TPR: variants seen among roughly 807,000 people sequenced by gnomAD.
TPR encodes nucleoprotein TPR.
Under a neutral mutation model 316.1 loss-of-function variants are expected in TPR, and 51 were observed. That is an observed-to-expected ratio of 0.16 (90% confidence interval 0.13 to 0.20). TPR has a LOEUF of 0.20. Ranked by LOEUF, TPR falls within the 10% of genes least tolerant of loss-of-function variation. The probability of loss-of-function intolerance (pLI) is 1.00; values close to 1 mark genes in which losing one functional copy is unlikely to be tolerated. For synonymous variants in TPR, 981 were observed against 914.7 expected (o/e 1.07, Z -1.31); for missense variants, 2,272 against 2,754.8 (o/e 0.82, Z 3.92).
chr1:186,314,741 G>T lies in TPR; in HGVS notation c.6941-17C>A. On this transcript the variant is annotated splice_polypyrimidine_tract_variant and intron_variant, in intron 49 of 50. Coordinates refer to ENST00000367478, the MANE Select transcript of TPR (RefSeq NM_003292.3). ...TACTAGTATCTAAGAAAAACATTAA[G>T]ATAAAAGAAAAGCAAGTGAAAAAAT... 6.4e-7 allele frequency: 1 copy of T among 1,557,892 alleles called. No individual in the cohort carries two copies. Among genetic ancestry groups the T allele is most frequent in the South Asian group, 1.2e-5 (1 of 84,976 alleles).
Position 186,369,272 on chromosome 1 carries a change from T to C in TPR, c.331-1290A>G, listed in dbSNP as rs1164545590. ...GATTCCATCAGAATTTCAGAATTTT[T>C]TTTTTCTATTTCTGCGAAGAATGCC... is the stretch of plus-strand genomic sequence containing the variant. On this transcript the variant is annotated intron_variant, in intron 3 of 50. Coordinates refer to ENST00000367478, the MANE Select transcript of TPR (RefSeq NM_003292.3). 2.0e-5 allele frequency among the ~76,000 whole-genome samples: 3 copies of C among 152,214 alleles called. No homozygotes were observed. In the East Asian group the frequency reaches 5.8e-4, roughly 29 times the overall value.
chr1:186,332,402 T>C lies in TPR; in HGVS notation c.5456-59A>G, dbSNP rs190279175. On this transcript the variant is annotated intron_variant, in intron 37 of 50. Transcript: ENST00000367478. Reference sequence around the variant, plus strand: ...GATAATAACTCAATTTAGATAAAGATAGTTTACCCAATATGGTCACTTAAC... The same window carrying C: ...GATAATAACTCAATTTAGATAAAGACAGTTTACCCAATATGGTCACTTAAC... 5.3e-5 allele frequency: 84 copies of C among 1,573,410 alleles called. 1 individual carries two copies. The highest frequency in any genetic ancestry group is 2.7e-4 in the East Asian group (12 of 44,172).
chr1:186,359,498 G>C (rs980279131), intron 12 of TPR, among the ~76,000 whole-genome samples: 2 of 151,934 alleles, frequency 1.3e-5, no homozygotes, highest in South Asian at 4.1e-4. Context: ...TTAATTTGAA[G>C]AGCAGTTTTA....
At chr1:186,361,414 CCTG>C (rs1011211748) in intron 9 of TPR, among the ~76,000 whole-genome samples, 5 of 151,704 alleles carry the variant, frequency 3.3e-5, no homozygotes, top group African/African-American at 7.3e-5. Context: ...AACAAAACCC[CCTG>C]CTGTCTGTAT....
chr1:186,323,667 T>A lies in TPR; in HGVS notation c.6297+19A>T. 1 of 1,424,962 alleles carries A rather than the reference T, an allele frequency of 7.0e-7. No homozygotes were observed. Among genetic ancestry groups the A allele is most frequent in the Non-Finnish European group, 9.2e-7 (1 of 1,087,088 alleles). 88.3% of individuals were successfully genotyped at this position (1,424,962 alleles called of 1,614,324 possible). A position where few individuals can be genotyped will look rare whatever the true frequency, so the allele number is the denominator to read the frequency against. On this transcript the variant is annotated intron_variant, in intron 43 of 50. Transcript: ENST00000367478. ...TTTTTTTCAAGTTCATTTTTCATAA[T>A]GACCAGTACTTTTAATACCTGAACT...
At chr1:186,345,757 T>C (rs1389354407) in intron 23 of TPR, 61 bp from the exon 24 acceptor site, 2 of 1,164,704 alleles carry the variant, frequency 1.7e-6, no homozygotes, top group East Asian at 2.4e-5. Context: ...GAAAATACTG[T>C]ATTGTAGTGT....
intron 13 of TPR, among the ~76,000 whole-genome samples, chr1:186,357,997 T>C (rs974107385): frequency 6.6e-5 from 10 of 152,176 alleles, no homozygotes; most frequent in Admixed American, 2.0e-4. Flanking sequence ...AAAAAGCATA[T>C]ATATAATGCC....
At chr1:186,339,982 A>G (rs1658464706) in intron 29 of TPR, among the ~76,000 whole-genome samples, 1 of 152,194 alleles carries the variant, frequency 6.6e-6, no homozygotes, top group African/African-American at 2.4e-5. Flanking sequence ...AAAAAATAAA[A>G]TGTCATTAAA....
At chr1:186,360,163 CTAATTA>C in intron 11 of TPR, 104 bp downstream of exon 11, 1 of 1,362,002 alleles carries the variant, frequency 7.3e-7, no homozygotes, top group East Asian at 2.4e-5. Flanking sequence ...GAATGATCCA[CTAATTA>C]TAAGATGATT....
chr1:186,347,964 G>C (rs983522614), intron 21 of TPR, among the ~76,000 whole-genome samples: 1 of 152,214 alleles, frequency 6.6e-6, no homozygotes, highest in East Asian at 1.9e-4. Flanking sequence ...GTCACCTCAA[G>C]ACCACTGTGA....
chr1:186,345,994 G>A, intron 23 of TPR, 141 bp downstream of exon 23: 1 of 861,502 alleles, frequency 1.2e-6, no homozygotes, highest in Non-Finnish European at 1.7e-6. Context: ...GTACAGAAAA[G>A]AGTAAAACAT....
chr1:186,327,051 AAC>A lies in TPR; in HGVS notation c.5889+407_5889+408del, dbSNP rs1445207276. On this transcript the variant is annotated intron_variant, in intron 40 of 50. Coordinates refer to ENST00000367478, the MANE Select transcript of TPR (RefSeq NM_003292.3). ...TATATATAAATATATATAAATATAT[AAC>A]ATATATATTATATATAAATATATAT... 4.0e-3 allele frequency among the ~76,000 whole-genome samples: 83 copies of A among 20,652 alleles called. 10 individuals are homozygous for A. The highest frequency in any genetic ancestry group is 5.4e-3 in the Non-Finnish European group (62 of 11,508). The allele number at this position is 20,652 out of a possible 152,430, so 13.5% of individuals were successfully genotyped here. A position where few individuals can be genotyped will look rare whatever the true frequency, so the allele number is the denominator to read the frequency against.
At chr1:186,360,051 G>C in intron 11 of TPR, 55 bp from the exon 12 acceptor site, 5 of 1,537,166 alleles carry the variant, frequency 3.3e-6, no homozygotes, top group Non-Finnish European at 4.4e-6. Flanking sequence ...CAAATATTTA[G>C]TTGATCTAGT....
rs1186171974 is a variant in TPR at position 186,375,181 on chromosome 1, GGGACCCTGGGAAATCGAGT to G, written c.-172_-154del. The G allele has an allele frequency of 5.2e-6, 8 of 1,533,540 alleles. No individual in the cohort carries two copies. Among genetic ancestry groups the G allele is most frequent in the Non-Finnish European group, 7.0e-6 (8 of 1,139,026 alleles). The allele number at this position is 1,533,540 out of a possible 1,614,324, so 95.0% of individuals were successfully genotyped here. On this transcript the variant is annotated 5_prime_UTR_variant, in exon 1 of 51. Transcript: ENST00000367478. The stretch of plus-strand genomic sequence containing the variant: ...CCCGCCCGCCGGAGACTCCCGCGGC[GGGACCCTGGGAAATCGAGT>G]CCACCCTCAGCGGCAGCGTTTCAGC...
At chr1:186,317,378 A>C in intron 49 of TPR, 104 bp downstream of exon 49, 5 of 909,288 alleles carry the variant, frequency 5.5e-6, no homozygotes, top group Non-Finnish European at 8.8e-6. Context: ...AAGCATTTTA[A>C]AATACAGGAA....
chr1:186,330,401 T>C (rs1172287077), intron 39 of TPR, among the ~76,000 whole-genome samples: 1 of 152,154 alleles, frequency 6.6e-6, no homozygotes, highest in Non-Finnish European at 1.5e-5. Context: ...AGTTTCAACC[T>C]GCTTAAAGAG....
chr1:186,339,504 T>C (rs1017962409), intron 30 of TPR, 138 bp downstream of exon 30: 12 of 545,038 alleles, frequency 2.2e-5, no homozygotes, highest in Admixed American at 4.1e-5. Flanking sequence ...CTCTACAAAG[T>C]AGATGGAAGT....
rs1351516245 is a variant in TPR at position 186,317,532 on chromosome 1, T to C, written c.6890A>G (p.Glu2297Gly). ...QEEEPVQASD[E>G]SDLPSTSQDP... is the part of the protein sequence containing the mutation. ...CTGGCTGGTGGAGGGGAGATCTGACTCATCAGATGCTTGAACCGGCTCTTC... is the reference window on the plus strand; with the variant it reads ...CTGGCTGGTGGAGGGGAGATCTGACCCATCAGATGCTTGAACCGGCTCTTC... The change falls in exon 49 of 51, where the codon GAG becomes GGG. Residue 2297 changes from glutamate (E) to glycine (G), a missense_variant. Transcript: ENST00000367478. The C allele has an allele frequency of 1.2e-6, 2 of 1,614,042 alleles. No individual in the cohort carries two copies. Among genetic ancestry groups the C allele is most frequent in the South Asian group, 1.1e-5 (1 of 91,090 alleles).
chr1:186,340,298 C>T (rs1437830137), intron 29 of TPR, among the ~76,000 whole-genome samples: 1 of 152,144 alleles, frequency 6.6e-6, no homozygotes, highest in Admixed American at 6.5e-5. Flanking sequence ...AGGCAGATTT[C>T]TAACCTTTTG....
Sources: allele counts gnomAD v4.1 joint callset (sites outside exome capture counted in the v4.1 genomes callset), GRCh38; gene constraint gnomAD v4.1.1; transcripts MANE v1.5; gene names NCBI Gene and HGNC (gene_info 2026-07-23, HGNC 2026-07-21).